The following ZDHHC7 variants were observed in gnomAD, a reference collection of about 807,000 sequenced individuals.
ZDHHC7 encodes the protein palmitoyltransferase ZDHHC7.
In ZDHHC7, 12 loss-of-function variants were observed where a neutral mutation model predicts 34.1. The ratio of observed to expected loss-of-function variants is 0.35; its 90% CI spans 0.23 to 0.57. The LOEUF is 0.57. ZDHHC7 is among the 20% of genes least tolerant of loss of function. ZDHHC7 has a pLI of 0.84. For missense variants in ZDHHC7, 388 were observed against 402.7 expected (o/e 0.96, Z 0.31); for synonymous variants, 185 against 155.4 (o/e 1.19, Z -1.42).
At chr16:84,985,189 T>G (rs1291555015) in intron 3 of ZDHHC7, among the ~76,000 whole-genome samples, 3 of 152,216 alleles carry the variant, frequency 2.0e-5, no homozygotes, top group African/African-American at 7.2e-5. Context: ...GCTCCCTGAT[T>G]GGCTGTTCCC....
In ZDHHC7 at chr16:84,977,215, A is replaced by G; in HGVS notation, c.630T>C (p.Asp210=). ...CVRGQWTECS[D]FSPPITVILL... The stretch of plus-strand genomic sequence containing the variant: ...GGATTACAGTTATCGGAGGTGAAAA[A>G]TCACTGCATTCTGCGGACAAGAGGA... Residue 210 remains aspartate (D), a synonymous_variant, in exon 7 of 8, where the codon GAT becomes GAC. Transcript: ENST00000313732. 6.2e-7 allele frequency: 1 copy of G among 1,614,174 alleles called. No individual in the cohort carries two copies. Among genetic ancestry groups the G allele is most frequent in the South Asian group, 1.1e-5 (1 of 91,076 alleles).
the ZDHHC7 span, among the ~76,000 whole-genome samples, chr16:85,021,837 C>G: frequency 0.02 from 3,097 of 152,084 alleles, 54 homozygotes; most frequent in Middle Eastern, 0.044. Context: ...AGCCCTCCAG[C>G]TGCTTTGTGG....
chr16:85,012,564 G>T (rs903335457), upstream of ZDHHC7, among the ~76,000 whole-genome samples: 13 of 151,912 alleles, frequency 8.6e-5, no homozygotes, highest in African/African-American at 2.9e-4. Context: ...TAACCCAGAA[G>T]GGTATGCCAG....
upstream of ZDHHC7, among the ~76,000 whole-genome samples, chr16:85,014,958 G>T (rs2072828153): frequency 1.3e-5 from 2 of 152,106 alleles, no homozygotes; most frequent in South Asian, 4.1e-4. Flanking sequence ...CAGATTCAAA[G>T]ATTTTCTCAT....
chr16:85,004,896 G>A (rs1002539732), intron 1 of ZDHHC7: 4 of 152,250 alleles, frequency 2.6e-5, no homozygotes, highest in Admixed American at 2.0e-4. Context: ...AGGGAGACGG[G>A]GGTGAAGAGA....
the ZDHHC7 span, among the ~76,000 whole-genome samples, chr16:85,027,493 C>G: frequency 6.6e-6 from 1 of 152,200 alleles, no homozygotes; most frequent in Non-Finnish European, 1.5e-5. Flanking sequence ...AAATAACCCA[C>G]TCACCTGTTT....
At chr16:85,016,285 C>G (rs2072833851), upstream of ZDHHC7, among the ~76,000 whole-genome samples, 1 of 150,660 alleles carries the variant, frequency 6.6e-6, no homozygotes, top group Admixed American at 6.6e-5. Context: ...GCCTCCCAAA[C>G]TGTTAGGATT....
chr16:84,979,415 C>A, intron 4 of ZDHHC7, 130 bp from the exon 5 acceptor site: 1 of 1,297,308 alleles, frequency 7.7e-7, no homozygotes. Context: ...AAATATCATA[C>A]ATTCTCACTA....
At chr16:84,977,847 T>C in intron 6 of ZDHHC7, 77 bp downstream of exon 6, 1 of 1,177,354 alleles carries the variant, frequency 8.5e-7, no homozygotes, top group South Asian at 1.4e-5. Context: ...GGAAAACTGG[T>C]TCTTCCTTTA....
chr16:85,027,041 G>A, the ZDHHC7 span, among the ~76,000 whole-genome samples: 5 of 152,244 alleles, frequency 3.3e-5, no homozygotes, highest in East Asian at 9.7e-4. Context: ...TTTTAATTGA[G>A]GAGACACAGA....
intron 1 of ZDHHC7, among the ~76,000 whole-genome samples, chr16:85,007,180 T>C (rs1044152071): frequency 6.6e-6 from 1 of 151,850 alleles, no homozygotes; most frequent in African/African-American, 2.4e-5. Flanking sequence ...TCCCAGCACT[T>C]TGGGAGGCCA....
At chr16:84,978,584 C>T (rs1017815026) in intron 5 of ZDHHC7, among the ~76,000 whole-genome samples, 2 of 151,492 alleles carry the variant, frequency 1.3e-5, no homozygotes, top group Admixed American at 6.6e-5. Context: ...AATAAACGGC[C>T]GGGCACGGTG....
At chr16:84,997,808 G>A (rs1454254668) in intron 1 of ZDHHC7, among the ~76,000 whole-genome samples, 12 of 148,144 alleles carry the variant, frequency 8.1e-5, no homozygotes, top group African/African-American at 3.0e-4. Flanking sequence ...CAGGAGAATG[G>A]CATGAACCCG....
At position 84,974,726 on chromosome 16, in the gene ZDHHC7, C is replaced by T. The variant is rs2072272014; in HGVS notation, c.*1617G>A. On this transcript the variant is annotated 3_prime_UTR_variant, in exon 8 of 8. Coordinates refer to ENST00000313732, the MANE Select transcript of ZDHHC7 (RefSeq NM_017740.3). Reference sequence around the variant, plus strand: ...GTCTCCAGGATCACCCACACTTTGTCCCTCTGGCTGTGACGCAGCTCTTCC... The same window carrying T: ...GTCTCCAGGATCACCCACACTTTGTTCCTCTGGCTGTGACGCAGCTCTTCC... The T allele has an allele frequency of 6.6e-6, 1 of 152,662 alleles. No homozygotes were observed. The highest frequency in any genetic ancestry group is 1.5e-5 in the Non-Finnish European group (1 of 68,062). The allele number at this position is 152,662 out of a possible 1,614,324, so 9.5% of individuals were successfully genotyped here.
At chr16:85,024,912 C>T in the ZDHHC7 span, among the ~76,000 whole-genome samples, 2 of 152,134 alleles carry the variant, frequency 1.3e-5, no homozygotes, top group Non-Finnish European at 2.9e-5. Context: ...AGAGAAGATC[C>T]TTTTTTCCAT....
At chr16:85,020,540 T>C in the ZDHHC7 span, among the ~76,000 whole-genome samples, 1 of 152,112 alleles carries the variant, frequency 6.6e-6, no homozygotes, top group South Asian at 2.1e-4. Context: ...GTGAAAGACA[T>C]GGATATTTGT....
the ZDHHC7 span, among the ~76,000 whole-genome samples, chr16:85,022,146 C>T: frequency 6.8e-6 from 1 of 146,476 alleles, no homozygotes; most frequent in Non-Finnish European, 1.5e-5. Flanking sequence ...GGCGACAGAG[C>T]GAAACTCTGT....
At chr16:84,996,560 G>A (rs28489867) in intron 1 of ZDHHC7, among the ~76,000 whole-genome samples, 28,920 of 151,918 alleles carry the variant, frequency 0.19, 3,041 homozygotes, top group African/African-American at 0.28. Context: ...GAGGGTCGAG[G>A]AATCCTCTCT....
chr16:84,977,091 T>C lies in ZDHHC7; in HGVS notation c.750+4A>G, dbSNP rs576141320. 1.4e-5 allele frequency: 22 copies of C among 1,614,148 alleles called. 1 individual carries two copies. The South Asian group carries it at 2.3e-4, about 17-fold the overall frequency. On this transcript the variant is annotated splice_donor_region_variant and intron_variant, in intron 7 of 7. Coordinates refer to ENST00000313732, the MANE Select transcript of ZDHHC7 (RefSeq NM_017740.3). The stretch of plus-strand genomic sequence containing the variant: ...AAGTCCACACAGCCGAGAACAAAGC[T>C]TACCGTCTCGTCGTTGCATATGGAG...
Sources: allele counts gnomAD v4.1 joint callset (sites outside exome capture counted in the v4.1 genomes callset), GRCh38; gene constraint gnomAD v4.1.1; transcripts MANE v1.5; gene names NCBI Gene and HGNC (gene_info 2026-07-23, HGNC 2026-07-21).